The following SLC24A2 variants were observed in gnomAD, a reference collection of about 807,000 sequenced individuals.
SLC24A2 encodes solute carrier family 24 member 2.
In SLC24A2, 36 loss-of-function variants were observed where a neutral mutation model predicts 62.0. The observed-to-expected ratio is 0.58, with a 90% confidence interval of 0.44 to 0.77. The LOEUF is 0.77. SLC24A2 is among the 30% of genes least tolerant of loss of function. The pLI, the probability that SLC24A2 is intolerant of heterozygous loss-of-function variation, is 0.00. For missense variants in SLC24A2, 846 were observed against 817.9 expected, an observed-to-expected ratio of 1.03 and a Z score of -0.42; for synonymous variants, 358 against 294.0, an observed-to-expected ratio of 1.22 and a Z score of -2.23.
At chr9:19,525,626 A>T (rs966296667) in intron 9 of SLC24A2, among the ~76,000 whole-genome samples, 2 of 150,398 alleles carry the variant, frequency 1.3e-5, no homozygotes, top group Non-Finnish European at 3.0e-5. Context: ...CTGATCTCGA[A>T]CTCCTGGGGT....
the SLC24A2 span, among the ~76,000 whole-genome samples, chr9:19,994,034 T>C: frequency 1.4e-3 from 211 of 152,276 alleles, 2 homozygotes; most frequent in Middle Eastern, 0.01. Context: ...ATAGACCAAG[T>C]AGATTGCAGA....
the SLC24A2 span, among the ~76,000 whole-genome samples, chr9:19,832,676 C>A: frequency 1.3e-5 from 2 of 152,192 alleles, no homozygotes; most frequent in African/African-American, 4.8e-5. Flanking sequence ...AGGTCATAGG[C>A]ATGGGCAAGG....
intron 2 of SLC24A2, among the ~76,000 whole-genome samples, chr9:19,708,288 C>T (rs1406214273): frequency 1.3e-5 from 2 of 152,134 alleles, no homozygotes; most frequent in East Asian, 3.9e-4. Context: ...ATTCCATGCT[C>T]ATGGGTAGGA....
chr9:20,060,975 A>T, the SLC24A2 span, among the ~76,000 whole-genome samples: 1 of 152,190 alleles, frequency 6.6e-6, no homozygotes, highest in Non-Finnish European at 1.5e-5. Flanking sequence ...TGTAAATGTA[A>T]CAAAAGAAAC....
At chr9:20,151,635 C>T in the SLC24A2 span, among the ~76,000 whole-genome samples, 1 of 151,872 alleles carries the variant, frequency 6.6e-6, no homozygotes, top group Admixed American at 6.6e-5. Flanking sequence ...CCCCACTTAA[C>T]CACAAGTGGG....
At chr9:19,709,452 A>G (rs1201747265) in intron 2 of SLC24A2, among the ~76,000 whole-genome samples, 2 of 152,170 alleles carry the variant, frequency 1.3e-5, no homozygotes, top group Admixed American at 1.3e-4. Context: ...AGACACATGC[A>G]CACGTATGTT....
rs35884916 is a variant in SLC24A2 at position 19,634,281 on chromosome 9, CTTTTTT to C, written c.931-11988_931-11983del. Among the ~76,000 whole-genome samples, 12 of 79,308 alleles carry C rather than the reference CTTTTTT, an allele frequency of 1.5e-4. No homozygotes were observed. In the South Asian group the frequency reaches 3.0e-3, roughly 20 times the overall value. The allele number at this position is 79,308 out of a possible 152,430, so 52.0% of individuals were successfully genotyped here. On this transcript the variant is annotated intron_variant, in intron 2 of 10. Coordinates refer to ENST00000341998, the MANE Select transcript of SLC24A2 (RefSeq NM_020344.4). Reference sequence around the variant, plus strand: ...GCAATCTAACTTGAAACTGCAGCCTCTTTTTTTTTTTTTTTTTTTTTTTTGAGACAG... The same window carrying C: ...GCAATCTAACTTGAAACTGCAGCCTCTTTTTTTTTTTTTTTTTTGAGACAG...
the SLC24A2 span, among the ~76,000 whole-genome samples, chr9:20,054,456 T>A: frequency 6.6e-6 from 1 of 152,334 alleles, no homozygotes; most frequent in African/African-American, 2.4e-5. Flanking sequence ...TCTCCCAAAG[T>A]GCTGGAATTA....
At chr9:20,297,373 G>T in the SLC24A2 span, among the ~76,000 whole-genome samples, 1 of 152,202 alleles carries the variant, frequency 6.6e-6, no homozygotes, top group Non-Finnish European at 1.5e-5. Context: ...GCAGATTCCA[G>T]GGGTCAGGGT....
intron 2 of SLC24A2, among the ~76,000 whole-genome samples, chr9:19,781,801 CTAAT>C (rs1231212098): frequency 1.6e-4 from 24 of 152,184 alleles, no homozygotes; most frequent in Admixed American, 1.5e-3. Flanking sequence ...ATTAATTTTA[CTAAT>C]TAATAAATTC....
At chr9:19,598,228 T>A (rs1413223532) in intron 4 of SLC24A2, among the ~76,000 whole-genome samples, 2 of 152,182 alleles carry the variant, frequency 1.3e-5, no homozygotes, top group Non-Finnish European at 2.9e-5. Context: ...AACACCACTC[T>A]CCCAATAAAC....
At chr9:20,228,955 C>T in the SLC24A2 span, among the ~76,000 whole-genome samples, 4 of 152,196 alleles carry the variant, frequency 2.6e-5, no homozygotes, top group East Asian at 5.8e-4. Flanking sequence ...AAGGGTCAAT[C>T]ATCCCTGGCA....
the SLC24A2 span, among the ~76,000 whole-genome samples, chr9:20,182,890 C>T: frequency 1.3e-5 from 2 of 152,166 alleles, no homozygotes; most frequent in African/African-American, 4.8e-5. Flanking sequence ...AATAGGTATA[C>T]ATTGGGCCAC....
At chr9:20,184,687 T>C in the SLC24A2 span, among the ~76,000 whole-genome samples, 2 of 152,148 alleles carry the variant, frequency 1.3e-5, no homozygotes, top group Non-Finnish European at 2.9e-5. Context: ...TGGAGAACAG[T>C]ATGGAGGGTC....
intron 2 of SLC24A2, among the ~76,000 whole-genome samples, chr9:19,636,935 AC>A (rs138609735): frequency 1.3e-5 from 2 of 152,156 alleles, no homozygotes; most frequent in East Asian, 3.9e-4. Context: ...CTTTCAAAAT[AC>A]CCTTTGGAAG....
intron 2 of SLC24A2, among the ~76,000 whole-genome samples, chr9:19,707,588 G>A (rs917924836): frequency 6.6e-6 from 1 of 152,198 alleles, no homozygotes; most frequent in Non-Finnish European, 1.5e-5. Flanking sequence ...TGGGATGCAA[G>A]ACTGGTTCAA....
the SLC24A2 span, among the ~76,000 whole-genome samples, chr9:19,856,409 T>C: frequency 6.6e-6 from 1 of 152,104 alleles, no homozygotes; most frequent in Non-Finnish European, 1.5e-5. Flanking sequence ...ATTTTTTTTC[T>C]CATCTTCATG....
At chr9:19,519,332 T>A (rs977468777) in intron 10 of SLC24A2, among the ~76,000 whole-genome samples, 1 of 147,828 alleles carries the variant, frequency 6.8e-6, no homozygotes, top group Non-Finnish European at 1.5e-5. Flanking sequence ...GGAGTGATTT[T>A]TTTTCTTTAA....
At chr9:20,013,682 T>A in the SLC24A2 span, among the ~76,000 whole-genome samples, 1 of 152,246 alleles carries the variant, frequency 6.6e-6, no homozygotes, top group Non-Finnish European at 1.5e-5. Context: ...ATATCATGTG[T>A]CTGACAAAAG....
Sources: allele counts gnomAD v4.1 joint callset (sites outside exome capture counted in the v4.1 genomes callset), GRCh38; gene constraint gnomAD v4.1.1; transcripts MANE v1.5; gene names NCBI Gene and HGNC (gene_info 2026-07-23, HGNC 2026-07-21).